The following PLCE1 variants were observed in gnomAD, a reference collection of about 807,000 sequenced individuals.
The protein encoded by PLCE1 is phospholipase C epsilon 1.
A neutral mutation model predicts 242.8 loss-of-function variants in PLCE1; 119 were observed. The ratio of observed to expected loss-of-function variants is 0.49; its 90% CI spans 0.42 to 0.57. PLCE1 has a LOEUF of 0.57. PLCE1 is among the 20% of genes least tolerant of loss of function. PLCE1 has a pLI of 0.00. For synonymous variants in PLCE1, 945 were observed against 1,017.4 expected (o/e 0.93, Z 1.35); for missense variants, 2,441 against 2,788.8 (o/e 0.88, Z 2.81).
chr10:94,192,326 A>T (rs972608542), intron 4 of PLCE1, among the ~76,000 whole-genome samples: 1 of 152,140 alleles, frequency 6.6e-6, no homozygotes. Flanking sequence ...GTAGTTTTTC[A>T]GCCTTTGCCC....
intron 28 of PLCE1, among the ~76,000 whole-genome samples, chr10:94,316,312 GAA>G (rs2053570515): frequency 6.6e-6 from 1 of 152,170 alleles, no homozygotes; most frequent in Admixed American, 6.5e-5. Flanking sequence ...CCAGCAGTGG[GAA>G]AAAATAGTTA....
rs375634038 is a variant in PLCE1, at chr10:94,200,357, G to A, written c.1810-26949G>A. ...CCAAGCAGTAAGGAGGTGCTTCAAC[G>A]GAAACACAAGTGATGGGGTGTGTCA... On this transcript the variant is annotated intron_variant, in intron 4 of 32. Transcript: ENST00000371380. 1.2e-4 allele frequency among the ~76,000 whole-genome samples: 19 copies of A among 152,236 alleles called. 2 individuals carry two copies. The South Asian group carries it at 3.1e-3, about 25-fold the overall frequency.
chr10:94,328,844 T>C lies in PLCE1; in HGVS notation c.*901T>C, dbSNP rs1046372041. The C allele has an allele frequency of 6.6e-6, 1 of 152,200 alleles. No homozygotes were observed. Among genetic ancestry groups the C allele is most frequent in the Non-Finnish European group, 1.5e-5 (1 of 68,032 alleles). The allele number at this position is 152,200 out of a possible 1,614,324, so 9.4% of individuals were successfully genotyped here. On this transcript the variant is annotated 3_prime_UTR_variant, in exon 33 of 33. Transcript: ENST00000371380. ...TTTAAAAAAGGTTATTGCTTAATCATAGATTAGATTACTCATTTTTGGTTT... is the reference window on the plus strand; with the variant it reads ...TTTAAAAAAGGTTATTGCTTAATCACAGATTAGATTACTCATTTTTGGTTT...
At chr10:94,041,576 G>C (rs928912737) in intron 2 of PLCE1, among the ~76,000 whole-genome samples, 1 of 152,128 alleles carries the variant, frequency 6.6e-6, no homozygotes, top group Non-Finnish European at 1.5e-5. Context: ...TGAGACAGCT[G>C]TGTGCTTCAG....
rs528303653 is a variant in PLCE1 at position 94,022,336 on chromosome 10, T to C, written c.-364-8347T>C. Among the ~76,000 whole-genome samples, 166 of 152,172 alleles carry C rather than the reference T, an allele frequency of 1.1e-3. 1 individual carries two copies. Among genetic ancestry groups the C allele is most frequent in the African/African-American group, 3.8e-3 (157 of 41,548 alleles). On this transcript the variant is annotated intron_variant, in intron 1 of 32. Coordinates refer to ENST00000371380, the MANE Select transcript of PLCE1 (RefSeq NM_016341.4). ...TTAGGAACATACTTAACAAAAGATG[T>C]GTAGACCTCTATACAGATAAATAAA... is the stretch of plus-strand genomic sequence containing the variant.
At chr10:94,220,179 C>A (rs1360223572) in intron 4 of PLCE1, among the ~76,000 whole-genome samples, 2 of 150,374 alleles carry the variant, frequency 1.3e-5, no homozygotes, top group African/African-American at 4.9e-5. Context: ...ACATTTTATA[C>A]ATACATACAT....
At chr10:94,103,883 A>T (rs2045630849) in intron 2 of PLCE1, among the ~76,000 whole-genome samples, 1 of 152,238 alleles carries the variant, frequency 6.6e-6, no homozygotes, top group African/African-American at 2.4e-5. Flanking sequence ...AGGCCAGGAC[A>T]TTCTCATTTC....
rs576543010 is a variant in PLCE1 at position 94,312,901 on chromosome 10, T to C, written c.6004-353T>C. On this transcript the variant is annotated intron_variant, in intron 27 of 32. Coordinates refer to ENST00000371380, the MANE Select transcript of PLCE1 (RefSeq NM_016341.4). ...CTCTAAAGGCAGAACATTTTATTAT[T>C]ACCATCCAAATTTCTAGCCCAGTAC... 3.9e-5 allele frequency among the ~76,000 whole-genome samples: 6 copies of C among 152,348 alleles called. No individual in the cohort carries two copies. The South Asian group carries it at 1.0e-3, about 26-fold the overall frequency.
At chr10:94,038,853 C>G (rs529354199) in intron 2 of PLCE1, among the ~76,000 whole-genome samples, 5 of 152,126 alleles carry the variant, frequency 3.3e-5, no homozygotes, top group Non-Finnish European at 5.9e-5. Context: ...AAAAAGCAAC[C>G]CTGTTTCTTT....
intron 9 of PLCE1, 46 bp downstream of exon 9, chr10:94,252,544 C>A: frequency 6.7e-7 from 1 of 1,490,842 alleles, no homozygotes; most frequent in Non-Finnish European, 9.2e-7. Flanking sequence ...TCTTCCAGGA[C>A]CGCTGTATGG....
chr10:94,094,464 A>G (rs998677952), intron 2 of PLCE1, among the ~76,000 whole-genome samples: 5 of 152,138 alleles, frequency 3.3e-5, no homozygotes, highest in African/African-American at 9.7e-5. Context: ...TGGAGAAAGA[A>G]TAGGCCATTA....
intron 27 of PLCE1, 135 bp from the exon 28 acceptor site, chr10:94,313,117 TAG>T: frequency 2.5e-6 from 2 of 798,578 alleles, no homozygotes; most frequent in Non-Finnish European, 4.0e-6. Flanking sequence ...TTTGTAGCAC[TAG>T]GCTACAAATG....
chr10:94,151,493 G>C (rs77530455), intron 3 of PLCE1, among the ~76,000 whole-genome samples: 1 of 152,230 alleles, frequency 6.6e-6, no homozygotes, highest in Admixed American at 6.5e-5. Context: ...TGAAAAGTTA[G>C]ATCCAGTTTG....
At chr10:94,101,195 C>A (rs1401216846) in intron 2 of PLCE1, among the ~76,000 whole-genome samples, 1 of 152,144 alleles carries the variant, frequency 6.6e-6, no homozygotes, top group African/African-American at 2.4e-5. Context: ...GCCTCACCTG[C>A]GCACCTCACC....
At position 94,179,530 on chromosome 10, in the gene PLCE1, T is replaced by TTTTTTTTTTTA. The variant is rs10636243; in HGVS notation, c.1809+8034_1809+8035insTTTTTTTTTTA. ...TAGTTTAGTTTTTTTTTTTTTTTTTTGACAGGGTCTCTGTTGCCCAGGCTG... is the reference window on the plus strand; with the variant it reads ...TAGTTTAGTTTTTTTTTTTTTTTTTTTTTTTTTTTTAGACAGGGTCTCTGTTGCCCAGGCTG... On this transcript the variant is annotated intron_variant, in intron 4 of 32. Coordinates refer to ENST00000371380, the MANE Select transcript of PLCE1 (RefSeq NM_016341.4). Among the ~76,000 whole-genome samples, 443 of 118,752 alleles carry TTTTTTTTTTTA rather than the reference T, an allele frequency of 3.7e-3. 5 individuals are homozygous for TTTTTTTTTTTA. The highest frequency in any genetic ancestry group is 6.5e-3 in the South Asian group (22 of 3,366). The allele number at this position is 118,752 out of a possible 152,430, so 77.9% of individuals were successfully genotyped here.
intron 2 of PLCE1, among the ~76,000 whole-genome samples, chr10:94,052,035 T>A (rs1190396540): frequency 6.6e-6 from 1 of 152,246 alleles, no homozygotes; most frequent in East Asian, 1.9e-4. Flanking sequence ...CATGAATTTC[T>A]TATTTAATTT....
chr10:94,218,764 A>T (rs1441861574), intron 4 of PLCE1, among the ~76,000 whole-genome samples: 1 of 151,750 alleles, frequency 6.6e-6, no homozygotes, highest in African/African-American at 2.4e-5. Context: ...GTGCTTTGGG[A>T]GGGCAACTGG....
chr10:94,144,555 G>C (rs1436211423), intron 3 of PLCE1, among the ~76,000 whole-genome samples: 3 of 152,176 alleles, frequency 2.0e-5, no homozygotes, highest in Non-Finnish European at 4.4e-5. Context: ...TCAATCAAAT[G>C]GGAAAAGAAG....
At chr10:94,138,892 C>A in intron 3 of PLCE1, 1 of 165,888 alleles carries the variant, frequency 6.0e-6, no homozygotes. Flanking sequence ...ACCTAGGGCC[C>A]AAATGTGGGC....
Sources: gnomAD v4.1 joint callset for allele counts (sites outside exome capture counted in the v4.1 genomes callset) on GRCh38, gnomAD v4.1.1 for gene constraint, MANE v1.5 for transcripts, NCBI Gene and HGNC (gene_info 2026-07-23, HGNC 2026-07-21) for gene names.